Variants in SNORC observed in about 807,000 individuals in gnomAD.
SNORC encodes secondary ossification center associated regulator of chondrocyte maturation, also known as protein SNORC.
A neutral mutation model predicts 9.7 loss-of-function variants in SNORC; 11 were observed. The observed-to-expected ratio is 1.14, with a 90% CI of 0.72 to 1.88. The LOEUF (loss-of-function observed/expected upper bound fraction) is 1.88, where lower values mean the gene tolerates loss of function less well. SNORC is among the 40% of genes most tolerant of loss of function. SNORC has a pLI of 0.00. For missense variants in SNORC, 197 were observed against 173.1 expected (o/e 1.14, Z -0.77); for synonymous variants, 108 against 88.7 (o/e 1.22, Z -1.22).
At chr2:232,868,696 T>G (rs939864497), upstream of SNORC, among the ~76,000 whole-genome samples, 5 of 152,308 alleles carry the variant, frequency 3.3e-5, no homozygotes, top group Non-Finnish European at 5.9e-5. Context: ...TATCCCCTTC[T>G]TCATTAAGTT....
chr2:232,872,861 T>C (rs1388134468), intron 1 of SNORC, among the ~76,000 whole-genome samples: 1 of 152,344 alleles, frequency 6.6e-6, no homozygotes, highest in African/African-American at 2.4e-5. Flanking sequence ...TAGATGAGGA[T>C]AAGAAGTGCC....
chr2:232,871,369 C>G lies in SNORC; in HGVS notation c.73+955C>G, dbSNP rs144612733. On this transcript the variant is annotated intron_variant, in intron 1 of 2. Coordinates refer to ENST00000331342, the Ensembl canonical transcript of SNORC. The stretch of plus-strand genomic sequence containing the variant: ...TGGACGCCCAGGAAGAAGCTTGAGG[C>G]CAGGGTGTGCTCAGTCTTGACCGGG... Among the ~76,000 whole-genome samples the G allele has an allele frequency of 7.1e-3, 1,076 of 152,232 alleles. 17 individuals are homozygous for G. Among genetic ancestry groups the G allele is most frequent in the African/African-American group, 0.025 (1,021 of 41,530 alleles).
chr2:232,872,067 A>T (rs1467800209), intron 1 of SNORC, among the ~76,000 whole-genome samples: 3 of 152,280 alleles, frequency 2.0e-5, no homozygotes, highest in Middle Eastern at 3.4e-3. Context: ...CAGGGGCCAG[A>T]CCAGGCCTTC....
downstream of SNORC, chr2:232,877,054 CTG>C (rs1691286371): frequency 1.0e-6 from 1 of 985,774 alleles, no homozygotes; most frequent in African/African-American, 1.7e-5. Context: ...CGTCTTGACT[CTG>C]AGTCCTGCAG....
At chr2:232,877,005 G>T, downstream of SNORC, 1 of 985,576 alleles carries the variant, frequency 1.0e-6, no homozygotes, top group Non-Finnish European at 1.2e-6. Context: ...GGCAGGGGCC[G>T]TCGGCTCTCC....
In SNORC at chr2:232,874,116, T is replaced by C. The variant is rs543971194; in HGVS notation, c.74-1824T>C. On this transcript the variant is annotated intron_variant, in intron 1 of 2. Coordinates refer to ENST00000331342, the Ensembl canonical transcript of SNORC. The stretch of plus-strand genomic sequence containing the variant: ...CCCAGAAGCCAGGGACCTGCTAACA[T>C]TTTATTGTGGAAAGATGTGAAGTTT... Among the ~76,000 whole-genome samples the C allele has an allele frequency of 1.0e-3, 156 of 152,330 alleles. 3 individuals carry two copies. Among genetic ancestry groups the C allele is most frequent in the Non-Finnish European group, 1.0e-4 (7 of 68,034 alleles).
At chr2:232,876,969 C>T (rs996238113), downstream of SNORC, 12 of 985,448 alleles carry the variant, frequency 1.2e-5, no homozygotes, top group Non-Finnish European at 1.4e-5. The surrounding 1 kb of genome is among the most constrained non-coding windows in gnomAD (Gnocchi z 6.8). Flanking sequence ...CGGGGCCCGC[C>T]GCTCCTTGAG....
chr2:232,870,360 C>T, exon 1 of SNORC: 3 of 1,565,214 alleles, frequency 1.9e-6, no homozygotes, highest in South Asian at 1.2e-5. Flanking sequence ...CTGTCTGGCC[C>T]TGCGCATGGC....
At chr2:232,868,684 G>A (rs1298894885), upstream of SNORC, among the ~76,000 whole-genome samples, 1 of 152,084 alleles carries the variant, frequency 6.6e-6, no homozygotes, top group Non-Finnish European at 1.5e-5. Flanking sequence ...CTAAGCCATT[G>A]GTATCCCCTT....
chr2:232,873,984 G>A (rs1463520236), intron 1 of SNORC, among the ~76,000 whole-genome samples: 1 of 152,236 alleles, frequency 6.6e-6, no homozygotes, highest in Admixed American at 6.5e-5. Context: ...TTCTGGAAAG[G>A]GGTTCTGCCT....
downstream of SNORC, chr2:232,877,106 C>T (rs1297118372): frequency 1.6e-5 from 16 of 985,968 alleles, no homozygotes; most frequent in Non-Finnish European, 1.7e-5. Context: ...CAGCCCCAAG[C>T]CCCCCTCTGC....
chr2:232,878,138 C>A (rs1691346422), downstream of SNORC: 1 of 152,326 alleles, frequency 6.6e-6, no homozygotes, highest in Admixed American at 6.5e-5. Flanking sequence ...CCTGCTGTGG[C>A]CTGTGGGAAG....
At position 232,875,299 on chromosome 2, in the gene SNORC, TACC is replaced by T. The variant is rs1691181785; in HGVS notation, c.74-638_74-636del. 3 of 169,548 alleles carry T rather than the reference TACC, an allele frequency of 1.8e-5. No homozygotes were observed. In the South Asian group the frequency reaches 4.1e-4, roughly 23 times the overall value. 10.5% of individuals were successfully genotyped at this position (169,548 alleles called of 1,614,324 possible). ...CGGAGGCTGCAGTGAGCCGAGATTG[TACC>T]ACTTCACTCCAGCCTGGGCACAGAG... On this transcript the variant is annotated intron_variant, in intron 1 of 2. Transcript: ENST00000331342.
chr2:232,871,270 G>C (rs1337590848), intron 1 of SNORC, among the ~76,000 whole-genome samples: 1 of 152,156 alleles, frequency 6.6e-6, no homozygotes, highest in Non-Finnish European at 1.5e-5. Context: ...CGACAGGCCT[G>C]GGGAGGCCCC....
intron 1 of SNORC, among the ~76,000 whole-genome samples, chr2:232,872,428 T>C (rs1380634125): frequency 6.6e-6 from 1 of 152,154 alleles, no homozygotes; most frequent in Non-Finnish European, 1.5e-5. Context: ...AACACACTTA[T>C]TTACCAAAAG....
downstream of SNORC, chr2:232,876,810 C>G (rs1215445747): frequency 3.0e-6 from 3 of 985,352 alleles, no homozygotes; most frequent in Non-Finnish European, 3.6e-6. This position sits in a 1 kb window ranked among gnomAD's most constrained non-coding sequence, Gnocchi z 6.8. Context: ...CCACGGGCGG[C>G]CCCTTCTCCC....
chr2:232,873,922 C>G (rs916332473), intron 1 of SNORC, among the ~76,000 whole-genome samples: 1 of 152,226 alleles, frequency 6.6e-6, no homozygotes. Flanking sequence ...AAGCCTCCCC[C>G]AGTTGGGGGC....
chr2:232,867,445 A>T (rs540925646), upstream of SNORC, among the ~76,000 whole-genome samples: 1 of 152,370 alleles, frequency 6.6e-6, no homozygotes, highest in African/African-American at 2.4e-5. Context: ...ATACATATGT[A>T]TAGTATTATT....
chr2:232,874,615 C>T (rs1691147601), intron 1 of SNORC, among the ~76,000 whole-genome samples: 2 of 152,224 alleles, frequency 1.3e-5, no homozygotes, highest in African/African-American at 2.4e-5. Context: ...GGCCAGAAAA[C>T]CCTGGAAGGA....
Sources: allele counts gnomAD v4.1 joint callset (sites outside exome capture counted in the v4.1 genomes callset), GRCh38; gene constraint gnomAD v4.1.1; non-coding constraint Gnocchi (gnomAD v3.1); transcripts MANE v1.5; gene names NCBI Gene and HGNC (gene_info 2026-07-23, HGNC 2026-07-21).